The following NTM variants were observed in gnomAD, a reference collection of about 807,000 sequenced individuals.
NTM encodes IgLON family member 2.
NTM carries 13 observed loss-of-function variants against 42.1 expected under a neutral mutation model. The ratio of observed to expected loss-of-function variants is 0.31; its 90% CI spans 0.20 to 0.49. NTM has a LOEUF of 0.49. Among genes scored for constraint, NTM ranks in the 20% least tolerant of loss-of-function variants. The pLI, the probability that NTM is intolerant of heterozygous loss-of-function variation, is 0.99. For missense variants in NTM, 373 were observed against 452.8 expected, an observed-to-expected ratio of 0.82 and a Z score of 1.60; for synonymous variants, 187 against 179.2, an observed-to-expected ratio of 1.04 and a Z score of -0.35.
At chr11:131,758,604 T>C (rs549596481) in intron 1 of NTM, among the ~76,000 whole-genome samples, 2 of 152,138 alleles carry the variant, frequency 1.3e-5, no homozygotes, top group Admixed American at 1.3e-4. Context: ...TTTCTTTTCT[T>C]TCTTTTGAGA....
At chr11:131,568,761 C>A (rs1019202654) in intron 1 of NTM, among the ~76,000 whole-genome samples, 3 of 152,218 alleles carry the variant, frequency 2.0e-5, no homozygotes, top group Admixed American at 6.5e-5. Flanking sequence ...CACCAGCACG[C>A]ATTCAAAGTC....
intron 7 of NTM, chr11:132,314,929 T>TATACAAAGTAGTATATGTATA: frequency 7.7e-7 from 1 of 1,306,456 alleles, no homozygotes; most frequent in Non-Finnish European, 9.7e-7. Flanking sequence ...AGTTTACATG[T>TATACAAAGTAGTATATGTATA]ATACAAAGTA....
chr11:131,680,138 C>A (rs1163364786), intron 1 of NTM, among the ~76,000 whole-genome samples: 1 of 152,120 alleles, frequency 6.6e-6, no homozygotes, highest in Non-Finnish European at 1.5e-5. Flanking sequence ...CCTGACCCCC[C>A]ATCCTTCTCT....
At chr11:132,101,553 A>AC (rs2061614772) in intron 2 of NTM, among the ~76,000 whole-genome samples, 1 of 95,348 alleles carries the variant, frequency 1.0e-5, no homozygotes, top group East Asian at 2.2e-4. Flanking sequence ...AAGGAACACA[A>AC]CCTTGTGTGT....
chr11:131,698,955 A>G (rs776416698), intron 1 of NTM, among the ~76,000 whole-genome samples: 1 of 152,224 alleles, frequency 6.6e-6, no homozygotes, highest in Non-Finnish European at 1.5e-5. Context: ...GGAGCCATGA[A>G]TGGAGAATTA....
chr11:131,647,903 T>C (rs543087786), intron 1 of NTM, among the ~76,000 whole-genome samples: 53 of 152,326 alleles, frequency 3.5e-4, no homozygotes, highest in African/African-American at 1.3e-3. Context: ...GGTTTGTTAA[T>C]AGGTAAACTC....
intron 4 of NTM, among the ~76,000 whole-genome samples, chr11:132,271,815 G>A (rs1481342127): frequency 6.6e-6 from 1 of 150,484 alleles, no homozygotes; most frequent in African/African-American, 2.4e-5. Context: ...ATATATGATT[G>A]GCAGATATTG....
At chr11:131,660,876 A>G (rs1449109995) in intron 1 of NTM, 1 of 1,241,320 alleles carries the variant, frequency 8.1e-7, no homozygotes, top group Non-Finnish European at 1.0e-6. Context: ...CTTGATTTCA[A>G]AGAACTTGTG....
At chr11:132,290,921 T>C (rs2094435612) in intron 4 of NTM, among the ~76,000 whole-genome samples, 1 of 152,110 alleles carries the variant, frequency 6.6e-6, no homozygotes. Flanking sequence ...TGACAAAAGA[T>C]AAGATGACGT....
chr11:132,326,505 A>G (rs2095686880), intron 7 of NTM, among the ~76,000 whole-genome samples: 1 of 152,238 alleles, frequency 6.6e-6, no homozygotes, highest in Admixed American at 6.5e-5. Context: ...CCATCTGCTG[A>G]GACAAAGCTG....
At chr11:131,701,347 G>T (rs1425682082) in intron 1 of NTM, among the ~76,000 whole-genome samples, 3 of 152,212 alleles carry the variant, frequency 2.0e-5, no homozygotes, top group Non-Finnish European at 4.4e-5. Context: ...CTAGAACCAT[G>T]CCTGGCCTAT....
intron 1 of NTM, among the ~76,000 whole-genome samples, chr11:131,682,114 GCTGGGTCATCA>G (rs1293071203): frequency 1.3e-5 from 2 of 152,118 alleles, no homozygotes; most frequent in South Asian, 2.1e-4. Flanking sequence ...ACGGGCAGTG[GCTGGGTCATCA>G]CTGGGTCATC....
At chr11:132,013,626 T>A (rs2072729906) in intron 2 of NTM, among the ~76,000 whole-genome samples, 1 of 152,104 alleles carries the variant, frequency 6.6e-6, no homozygotes, top group African/African-American at 2.4e-5. Context: ...GTTTATGACT[T>A]CAAGATAGAT....
intron 1 of NTM, among the ~76,000 whole-genome samples, chr11:131,514,571 TTTA>T (rs778914488): frequency 2.0e-5 from 3 of 151,966 alleles, no homozygotes; most frequent in Admixed American, 6.6e-5. Context: ...TGTTTTGTGA[TTTA>T]TTTATTTATT....
At chr11:131,498,791 G>T (rs1955621420) in intron 1 of NTM, among the ~76,000 whole-genome samples, 1 of 152,212 alleles carries the variant, frequency 6.6e-6, no homozygotes, top group Non-Finnish European at 1.5e-5. Context: ...GTGGCCACTT[G>T]CTGGGCTCCT....
intron 1 of NTM, among the ~76,000 whole-genome samples, chr11:131,838,868 TATGA>T (rs1296124366): frequency 6.6e-6 from 1 of 152,202 alleles, no homozygotes; most frequent in Non-Finnish European, 1.5e-5. Context: ...TGAGTGCATC[TATGA>T]ATGAAGCAAA....
chr11:131,701,475 A>C lies in NTM; in HGVS notation c.83-210089A>C, dbSNP rs151124469. 2.9e-3 allele frequency among the ~76,000 whole-genome samples: 439 copies of C among 152,296 alleles called. 3 individuals carry two copies. Among genetic ancestry groups the C allele is most frequent in the African/African-American group, 9.7e-3 (403 of 41,552 alleles). ...AGCAACTGGGCATGGTAGATGGGCA[A>C]AAAGAAGGGAGCCACTCAATGCATT... On this transcript the variant is annotated intron_variant, in intron 1 of 8. Transcript: ENST00000683400.
At chr11:132,081,601 G>A (rs1000520227) in intron 2 of NTM, among the ~76,000 whole-genome samples, 6 of 151,826 alleles carry the variant, frequency 4.0e-5, no homozygotes, top group South Asian at 2.1e-4. Context: ...ACGTGGTGGC[G>A]GGCACCTGTA....
chr11:131,672,187 T>C (rs73583644), intron 1 of NTM, among the ~76,000 whole-genome samples: 5,343 of 152,170 alleles, frequency 0.035, 310 homozygotes, highest in African/African-American at 0.12. Context: ...TGTCCCTCCC[T>C]CCCCACCAGG....
Sources: allele counts gnomAD v4.1 joint callset (sites outside exome capture counted in the v4.1 genomes callset), GRCh38; gene constraint gnomAD v4.1.1; transcripts MANE v1.5; gene names NCBI Gene and HGNC (gene_info 2026-07-23, HGNC 2026-07-21).